Variants in PTGR2 observed in about 807,000 individuals in gnomAD.
PTGR2 encodes 15-oxoprostaglandin 13-reductase.
Under a neutral mutation model 43.4 loss-of-function variants are expected in PTGR2, and 32 were observed. The observed-to-expected ratio is 0.74, with a 90% CI of 0.56 to 0.99. The LOEUF (loss-of-function observed/expected upper bound fraction) is 0.99, where lower values mean the gene tolerates loss of function less well. PTGR2 is among the 50% of genes least tolerant of loss of function. The pLI, the probability that PTGR2 is intolerant of heterozygous loss-of-function variation, is 0.00. For missense variants in PTGR2, 373 were observed against 420.0 expected (o/e 0.89, Z 0.98); for synonymous variants, 106 against 139.2 (o/e 0.76, Z 1.68).
intron 1 of PTGR2, among the ~76,000 whole-genome samples, chr14:73,855,357 G>A (rs75114347): frequency 1.3e-5 from 2 of 152,114 alleles, no homozygotes; most frequent in Non-Finnish European, 2.9e-5. Flanking sequence ...GACAGACGAT[G>A]AGCCTCCCAT....
Position 73,884,811 on chromosome 14 carries a change from GGTTAA to G in PTGR2, c.*638_*642del, listed in dbSNP as rs2055087290. On this transcript the variant is annotated 3_prime_UTR_variant, in exon 10 of 10. Coordinates refer to ENST00000555661, the MANE Select transcript of PTGR2 (RefSeq NM_001146154.2). ...TATGGGAAGATAAATAACTTAGGTT[GGTTAA>G]GTTGACAAGATTTACTCCAGAGGAT... 1.3e-5 allele frequency: 2 copies of G among 152,070 alleles called. No individual in the cohort carries two copies. Among genetic ancestry groups the G allele is most frequent in the Admixed American group, 1.3e-4 (2 of 15,262 alleles). 9.4% of individuals were successfully genotyped at this position (152,070 alleles called of 1,614,324 possible).
intron 4 of PTGR2, among the ~76,000 whole-genome samples, chr14:73,875,591 G>T (rs933402295): frequency 6.6e-6 from 1 of 151,812 alleles, no homozygotes; most frequent in African/African-American, 2.4e-5. Flanking sequence ...TGATCCACCC[G>T]CCTTGGCCTC....
chr14:73,866,981 C>T (rs1052917832), intron 3 of PTGR2, among the ~76,000 whole-genome samples: 2 of 149,724 alleles, frequency 1.3e-5, no homozygotes, highest in Non-Finnish European at 3.0e-5. Flanking sequence ...CCCAGCTACT[C>T]AGGAAGCTGA....
At chr14:73,853,796 C>G (rs1213543604) in intron 1 of PTGR2, among the ~76,000 whole-genome samples, 1 of 152,134 alleles carries the variant, frequency 6.6e-6, no homozygotes, top group Non-Finnish European at 1.5e-5. Context: ...AAGTTCCCAC[C>G]TGGTTAGAAC....
chr14:73,879,645 TA>T, intron 6 of PTGR2: 5 of 299,702 alleles, frequency 1.7e-5, no homozygotes, highest in Non-Finnish European at 1.9e-5. Flanking sequence ...GCCCCAGACC[TA>T]TGGGTTTCAT....
In PTGR2 at chr14:73,851,879, G is replaced by T. The variant is rs1318170226; in HGVS notation, c.-112G>T. The T allele has an allele frequency of 6.6e-6, 1 of 152,306 alleles. No homozygotes were observed. Among genetic ancestry groups the T allele is most frequent in the Non-Finnish European group, 1.5e-5 (1 of 68,120 alleles). 9.4% of individuals were successfully genotyped at this position (152,306 alleles called of 1,614,324 possible). The stretch of plus-strand genomic sequence containing the variant: ...AGGGCCGAGGCCTGGGGGCGAGCTG[G>T]GGTCGTGCAGTACAGCCTCTTTCCG... On this transcript the variant is annotated 5_prime_UTR_variant, in exon 1 of 10. Coordinates refer to ENST00000555661, the MANE Select transcript of PTGR2 (RefSeq NM_001146154.2).
intron 5 of PTGR2, chr14:73,878,587 C>G (rs889007859): frequency 1.7e-5 from 7 of 401,736 alleles, no homozygotes; most frequent in African/African-American, 2.1e-5. Context: ...CGGCAACAAG[C>G]TGTAGCTCCT....
At chr14:73,857,073 A>G (rs2054364771) in intron 1 of PTGR2, among the ~76,000 whole-genome samples, 1 of 151,728 alleles carries the variant, frequency 6.6e-6, no homozygotes, top group Non-Finnish European at 1.5e-5. Flanking sequence ...GGAATTCGAG[A>G]CCAGCCTGAG....
intron 1 of PTGR2, among the ~76,000 whole-genome samples, chr14:73,853,343 A>G (rs535752072): frequency 9.0e-6 from 1 of 110,704 alleles, no homozygotes; most frequent in Admixed American, 9.1e-5. Context: ...TTTTTTTGAG[A>G]TGGAGTTTCG....
Position 73,867,179 on chromosome 14 carries a change from TCTC to T in PTGR2, c.156+6525_156+6527del, listed in dbSNP as rs1403928141. On this transcript the variant is annotated intron_variant, in intron 3 of 9. Transcript: ENST00000555661. ...ACTGCTTAAGCTGGAGCATCATTCT[TCTC>T]CTGTCCTCAGAGTTCCTGGTTCTCA... 2.0e-5 allele frequency among the ~76,000 whole-genome samples: 3 copies of T among 151,958 alleles called. No homozygotes were observed. The East Asian group carries it at 5.8e-4, about 29-fold the overall frequency.
At position 73,851,890 on chromosome 14, in the gene PTGR2, T is replaced by C. The variant is rs571330892; in HGVS notation, c.-101T>C. On this transcript the variant is annotated 5_prime_UTR_variant, in exon 1 of 10. Coordinates refer to ENST00000555661, the MANE Select transcript of PTGR2 (RefSeq NM_001146154.2). Reference sequence around the variant, plus strand: ...CTGGGGGCGAGCTGGGGTCGTGCAGTACAGCCTCTTTCCGGCAAATCACGC... The same window carrying C: ...CTGGGGGCGAGCTGGGGTCGTGCAGCACAGCCTCTTTCCGGCAAATCACGC... 2.6e-3 allele frequency: 396 copies of C among 152,372 alleles called. 1 individual carries two copies. Among genetic ancestry groups the C allele is most frequent in the Middle Eastern group, 0.01 (3 of 294 alleles). The allele number at this position is 152,372 out of a possible 1,614,324, so 9.4% of individuals were successfully genotyped here. A position where few individuals can be genotyped will look rare whatever the true frequency, so the allele number is the denominator to read the frequency against.
intron 6 of PTGR2, chr14:73,879,608 C>A: frequency 2.9e-6 from 1 of 342,220 alleles, no homozygotes. Context: ...TGATCCCTAA[C>A]TCACCACTGA....
At position 73,879,287 on chromosome 14, in the gene PTGR2, T is replaced by G; in HGVS notation, c.711T>G (p.Ser237Arg). 1 of 1,614,030 alleles carries G rather than the reference T, an allele frequency of 6.2e-7. No individual in the cohort carries two copies. The highest frequency in any genetic ancestry group is 8.5e-7 in the Non-Finnish European group (1 of 1,179,908). ...TTGACAATGTTGGTGGTAACATCAGTGATACAGTGATAAGTCAGGTTGTTT... is the reference window on the plus strand; with the variant it reads ...TTGACAATGTTGGTGGTAACATCAGGGATACAGTGATAAGTCAGGTTGTTT... ...VYFDNVGGNISDTVISQMNEN... is the reference protein window; with the variant it reads ...VYFDNVGGNIRDTVISQMNEN... The change falls in exon 6 of 10, where the codon AGT becomes AGG. Residue 237 changes from serine (S) to arginine (R), a missense_variant. Transcript: ENST00000555661.
At position 73,877,273 on chromosome 14, in the gene PTGR2, T is replaced by G; in HGVS notation, c.519+105T>G. Reference sequence around the variant, plus strand: ...ATACCATTAAAAATATAAAATTGGATAAATTTTTTTTTTCTTTTTTGAGAC... The same window carrying G: ...ATACCATTAAAAATATAAAATTGGAGAAATTTTTTTTTTCTTTTTTGAGAC... On this transcript the variant is annotated intron_variant, in intron 5 of 9. Coordinates refer to ENST00000555661, the MANE Select transcript of PTGR2 (RefSeq NM_001146154.2). The G allele has an allele frequency of 5.3e-6, 6 of 1,132,884 alleles. 1 individual carries two copies. Among genetic ancestry groups the G allele is most frequent in the Non-Finnish European group, 7.4e-6 (6 of 815,168 alleles). 70.2% of individuals were successfully genotyped at this position (1,132,884 alleles called of 1,614,324 possible).
At chr14:73,867,865 T>G (rs2054638213) in intron 3 of PTGR2, among the ~76,000 whole-genome samples, 1 of 152,220 alleles carries the variant, frequency 6.6e-6, no homozygotes, top group Non-Finnish European at 1.5e-5. Flanking sequence ...TTTTTCACAC[T>G]GCAGCCAGAA....
chr14:73,868,743 G>T (rs2054658936), intron 3 of PTGR2, among the ~76,000 whole-genome samples: 1 of 151,276 alleles, frequency 6.6e-6, no homozygotes, highest in South Asian at 2.1e-4. Flanking sequence ...TACCTACCCT[G>T]CCTTGCCCGT....
intron 1 of PTGR2, among the ~76,000 whole-genome samples, chr14:73,855,147 T>A (rs1178291729): frequency 6.6e-6 from 1 of 152,220 alleles, no homozygotes; most frequent in Admixed American, 6.5e-5. Context: ...AAGACATCTT[T>A]GAAACATTTT....
At chr14:73,875,633 T>A (rs569635487) in intron 4 of PTGR2, among the ~76,000 whole-genome samples, 2 of 151,226 alleles carry the variant, frequency 1.3e-5, no homozygotes, top group Non-Finnish European at 1.5e-5. Flanking sequence ...CGTGAGCCAC[T>A]GTACCCGGCC....
intron 3 of PTGR2, among the ~76,000 whole-genome samples, chr14:73,864,722 ATTTTC>A (rs2054565331): frequency 6.6e-6 from 1 of 152,050 alleles, no homozygotes; most frequent in Admixed American, 6.6e-5. Flanking sequence ...ATCTATAAAT[ATTTTC>A]TTCTATGCTG....
Sources: allele counts gnomAD v4.1 joint callset (sites outside exome capture counted in the v4.1 genomes callset), GRCh38; gene constraint gnomAD v4.1.1; transcripts MANE v1.5; gene names NCBI Gene and HGNC (gene_info 2026-07-23, HGNC 2026-07-21).